APC: variants seen among roughly 807,000 people sequenced by gnomAD.
The protein encoded by APC is APC regulator of Wnt signaling pathway.
In APC, 72 loss-of-function variants were observed where a neutral mutation model predicts 247.0. The ratio of observed to expected loss-of-function variants is 0.29; its 90% CI spans 0.24 to 0.35. The LOEUF is 0.35. Ranked by LOEUF, APC falls within the 10% of genes least tolerant of loss-of-function variation. The pLI is 1.00. For synonymous variants in APC, 1,254 were observed against 1,162.5 expected (o/e 1.08, Z -1.60); for missense variants, 3,400 against 3,360.7 (o/e 1.01, Z -0.29).
chr5:112,814,286 C>G (rs1561533406), intron 8 of APC, among the ~76,000 whole-genome samples: 2 of 152,182 alleles, frequency 1.3e-5, no homozygotes, highest in Non-Finnish European at 2.9e-5. Flanking sequence ...AACCCCACCT[C>G]CTGTCCAGAG....
At chr5:112,808,111 C>T (rs1172741707) in intron 8 of APC, among the ~76,000 whole-genome samples, 2 of 152,092 alleles carry the variant, frequency 1.3e-5, no homozygotes, top group African/African-American at 4.8e-5. Context: ...GCCGAGATCG[C>T]ACCACTGCAC....
chr5:112,741,439 A>T (rs992563353), intron 1 of APC, among the ~76,000 whole-genome samples: 4 of 152,168 alleles, frequency 2.6e-5, no homozygotes, highest in Non-Finnish European at 4.4e-5. Context: ...TCAAAAGTTG[A>T]CTTTGTAAAT....
chr5:112,716,734 A>C (rs968177371), intron 1 of APC, among the ~76,000 whole-genome samples: 1 of 152,152 alleles, frequency 6.6e-6, no homozygotes, highest in Non-Finnish European at 1.5e-5. Flanking sequence ...GATGCATAGA[A>C]ATGTGTAATA....
rs946094821 is a variant in APC at position 112,766,493 on chromosome 5, C to T, written c.220+83C>T. The T allele has an allele frequency of 1.1e-4, 94 of 872,876 alleles. 1 individual carries two copies. The South Asian group carries it at 1.2e-3, about 11-fold the overall frequency. 54.1% of individuals were successfully genotyped at this position (872,876 alleles called of 1,614,324 possible). ...GTGTGTAGATCCAAGTACAGCTTCTCTCGATTTGGGTGTTGGTATCAGTTT... is the reference window on the plus strand; with the variant it reads ...GTGTGTAGATCCAAGTACAGCTTCTTTCGATTTGGGTGTTGGTATCAGTTT... On this transcript the variant is annotated intron_variant, in intron 3 of 15. Coordinates refer to ENST00000257430, the MANE Select transcript of APC (RefSeq NM_000038.6).
At chr5:112,713,604 C>A (rs1467955465) in intron 1 of APC, among the ~76,000 whole-genome samples, 1 of 152,150 alleles carries the variant, frequency 6.6e-6, no homozygotes, top group Non-Finnish European at 1.5e-5. Flanking sequence ...TAAGAATTTT[C>A]AGATAATAGT....
At chr5:112,765,343 G>T (rs1756165731) in intron 2 of APC, among the ~76,000 whole-genome samples, 1 of 152,002 alleles carries the variant, frequency 6.6e-6, no homozygotes, top group Admixed American at 6.6e-5. Flanking sequence ...CAAACTCCTG[G>T]ACTCAAGTGA....
intron 4 of APC, among the ~76,000 whole-genome samples, chr5:112,775,246 G>A (rs771926766): frequency 6.6e-6 from 1 of 151,970 alleles, no homozygotes; most frequent in African/African-American, 2.4e-5. Context: ...TGTTTTCTGG[G>A]CATCATTGCT....
At chr5:112,736,960 A>T (rs1475890899), upstream of APC, among the ~76,000 whole-genome samples, 4 of 152,200 alleles carry the variant, frequency 2.6e-5, no homozygotes, top group African/African-American at 9.7e-5. Context: ...TAAATTTTAA[A>T]TAGATAATAG....
At chr5:112,724,730 A>G (rs557905359) in intron 1 of APC, among the ~76,000 whole-genome samples, 28 of 152,236 alleles carry the variant, frequency 1.8e-4, no homozygotes, top group Admixed American at 1.4e-3. Context: ...AGATGTAAGA[A>G]CCTTCCAGTA....
intron 6 of APC, among the ~76,000 whole-genome samples, chr5:112,782,945 T>C (rs541493629): frequency 6.6e-6 from 1 of 152,332 alleles, no homozygotes; most frequent in South Asian, 2.1e-4. Context: ...ATTTAAATTT[T>C]AGATTTTCAT....
chr5:112,825,844 T>A (rs1206010208), intron 11 of APC, among the ~76,000 whole-genome samples: 4 of 152,246 alleles, frequency 2.6e-5, no homozygotes, highest in Non-Finnish European at 5.9e-5. Context: ...ATAGTTCATC[T>A]ATCTTTGCTC....
chr5:112,814,584 A>G (rs1762308618), intron 8 of APC, among the ~76,000 whole-genome samples: 1 of 152,028 alleles, frequency 6.6e-6, no homozygotes, highest in Non-Finnish European at 1.5e-5. Context: ...CTCTATTCTC[A>G]CTGCCTTAGT....
chr5:112,813,647 T>C (rs1762199753), intron 8 of APC, among the ~76,000 whole-genome samples: 2 of 151,978 alleles, frequency 1.3e-5, no homozygotes, highest in Admixed American at 1.3e-4. Context: ...GCTGGGCTCA[T>C]TGGCTCGTGC....
chr5:112,778,251 C>G (rs890875563), intron 5 of APC: 5 of 155,888 alleles, frequency 3.2e-5, no homozygotes, highest in African/African-American at 9.6e-5. Flanking sequence ...GGTTATAGGT[C>G]TGCAGTGTTC....
chr5:112,743,679 T>G (rs181917266), intron 1 of APC, among the ~76,000 whole-genome samples: 1 of 152,310 alleles, frequency 6.6e-6, no homozygotes, highest in African/African-American at 2.4e-5. Context: ...AACACAGCCT[T>G]ATTAAATTTC....
Position 112,846,193 on chromosome 5 carries a change from ACTT to A in APC, c.*2070_*2072del. The A allele has an allele frequency of 4.3e-6, 1 of 231,266 alleles. No homozygotes were observed. Among genetic ancestry groups the A allele is most frequent in the Non-Finnish European group, 8.6e-6 (1 of 116,864 alleles). The allele number at this position is 231,266 out of a possible 1,614,324, so 14.3% of individuals were successfully genotyped here. A position where few individuals can be genotyped will look rare whatever the true frequency, so the allele number is the denominator to read the frequency against. ...CTGAAATTGTCTATGAATACCATCT[ACTT>A]CTGTTGTTTTCCCAGGCTTCCATAA... On this transcript the variant is annotated 3_prime_UTR_variant, in exon 16 of 16. Coordinates refer to ENST00000257430, the MANE Select transcript of APC (RefSeq NM_000038.6).
chr5:112,820,367 A>G (rs1762993659), intron 10 of APC, among the ~76,000 whole-genome samples: 2 of 152,146 alleles, frequency 1.3e-5, no homozygotes, highest in Non-Finnish European at 2.9e-5. Flanking sequence ...AGGATAAGAA[A>G]GGCCAGGTGT....
intron 2 of APC, among the ~76,000 whole-genome samples, chr5:112,760,055 G>A (rs1280635290): frequency 6.6e-6 from 1 of 152,112 alleles, no homozygotes; most frequent in Admixed American, 6.5e-5. Context: ...TTCTTAGGAA[G>A]AAAGAACCCT....
intron 1 of APC, among the ~76,000 whole-genome samples, chr5:112,724,727 A>G (rs949698120): frequency 6.6e-6 from 1 of 152,152 alleles, no homozygotes; most frequent in African/African-American, 2.4e-5. Flanking sequence ...AGCAGATGTA[A>G]GAACCTTCCA....
Sources: gnomAD v4.1 joint callset for allele counts (sites outside exome capture counted in the v4.1 genomes callset) on GRCh38, gnomAD v4.1.1 for gene constraint, MANE v1.5 for transcripts, NCBI Gene and HGNC (gene_info 2026-07-23, HGNC 2026-07-21) for gene names.